The following FAM227B variants were observed in gnomAD, a reference collection of about 807,000 sequenced individuals.
FAM227B encodes family with sequence similarity 227 member B, also known as protein FAM227B.
FAM227B carries 88 observed loss-of-function variants against 73.8 expected under a neutral mutation model. The ratio of observed to expected loss-of-function variants is 1.19; its 90% CI spans 1.00 to 1.42. The LOEUF (loss-of-function observed/expected upper bound fraction) is 1.42. Ranked by LOEUF, FAM227B falls within the 40% of genes most tolerant of loss-of-function variation. FAM227B has a pLI of 0.00. For missense variants in FAM227B, 632 were observed against 590.9 expected, an observed-to-expected ratio of 1.07 and a Z score of -0.72; for synonymous variants, 210 against 190.5, an observed-to-expected ratio of 1.10 and a Z score of -0.84.
intron 10 of FAM227B, among the ~76,000 whole-genome samples, chr15:49,524,485 G>A (rs12907918): frequency 0.25 from 37,912 of 152,180 alleles, 5,694 homozygotes; most frequent in Non-Finnish European, 0.35. Flanking sequence ...TTTGCTGCAC[G>A]GGAGGGACCC....
intron 8 of FAM227B, 52 bp downstream of exon 8, chr15:49,574,959 T>C (rs2075355790): frequency 1.7e-6 from 2 of 1,188,184 alleles, no homozygotes; most frequent in East Asian, 4.9e-5. Flanking sequence ...TATTGAAAAA[T>C]TAATTATGCC....
chr15:49,570,281 C>A (rs1335944255), intron 8 of FAM227B, among the ~76,000 whole-genome samples: 1 of 151,862 alleles, frequency 6.6e-6, no homozygotes, highest in Admixed American at 6.6e-5. Flanking sequence ...CATAACCTCA[C>A]CAAAACTTGT....
chr15:49,378,017 A>G (rs1411169309), intron 11 of FAM227B, among the ~76,000 whole-genome samples: 2 of 152,072 alleles, frequency 1.3e-5, no homozygotes, highest in East Asian at 3.8e-4. Flanking sequence ...TCTTTATTTC[A>G]TTTTGATTTC....
intron 11 of FAM227B, among the ~76,000 whole-genome samples, chr15:49,455,507 A>G (rs1471674662): frequency 1.3e-5 from 2 of 152,194 alleles, no homozygotes; most frequent in Admixed American, 6.6e-5. Context: ...CGGGTGCTCA[A>G]TTGCACTACT....
chr15:49,507,993 A>G (rs1323830019), intron 11 of FAM227B, among the ~76,000 whole-genome samples: 1 of 152,192 alleles, frequency 6.6e-6, no homozygotes, highest in African/African-American at 2.4e-5. Context: ...TAGTATACAT[A>G]AAGACAAAAA....
At chr15:49,435,470 T>C (rs2051017355) in intron 11 of FAM227B, among the ~76,000 whole-genome samples, 1 of 151,658 alleles carries the variant, frequency 6.6e-6, no homozygotes, top group Admixed American at 6.6e-5. Context: ...CTCTAATTCA[T>C]GAAGTATGCT....
chr15:49,447,753 C>T (rs565583999), intron 11 of FAM227B, among the ~76,000 whole-genome samples: 7 of 151,686 alleles, frequency 4.6e-5, no homozygotes, highest in African/African-American at 1.7e-4. Context: ...TGACTTTGTC[C>T]TCATTACTGC....
At chr15:49,528,131 CAT>C (rs2060340078) in intron 10 of FAM227B, among the ~76,000 whole-genome samples, 1 of 151,890 alleles carries the variant, frequency 6.6e-6, no homozygotes, top group Non-Finnish European at 1.5e-5. Flanking sequence ...ACCCAAATAA[CAT>C]AGTGCTGGTA....
chr15:49,428,197 T>A (rs532191895), intron 11 of FAM227B, among the ~76,000 whole-genome samples: 4 of 151,946 alleles, frequency 2.6e-5, no homozygotes, highest in Non-Finnish European at 5.9e-5. Flanking sequence ...GATTGTGTAC[T>A]ACTGTTACCC....
At chr15:49,591,020 CTTTTTTTTG>C (rs1295016328) in intron 3 of FAM227B, among the ~76,000 whole-genome samples, 3 of 106,900 alleles carry the variant, frequency 2.8e-5, no homozygotes, top group African/African-American at 1.1e-4. Context: ...TTCTCTTTCT[CTTTTTTTTG>C]TTTTTTTTTT....
intron 11 of FAM227B, among the ~76,000 whole-genome samples, chr15:49,394,398 T>C (rs773983423): frequency 6.6e-6 from 1 of 152,144 alleles, no homozygotes; most frequent in Non-Finnish European, 1.5e-5. Flanking sequence ...AAAGTCACCA[T>C]CTGAGATTGA....
intron 11 of FAM227B, among the ~76,000 whole-genome samples, chr15:49,475,918 G>T (rs894241473): frequency 8.5e-5 from 13 of 152,098 alleles, no homozygotes; most frequent in African/African-American, 3.1e-4. Context: ...ATCCTGGGAG[G>T]TTCAAGACCC....
At chr15:49,343,229 CTTTT>C (rs1567109908) in intron 13 of FAM227B, among the ~76,000 whole-genome samples, 1 of 151,916 alleles carries the variant, frequency 6.6e-6, no homozygotes. Flanking sequence ...TTTCTTAATT[CTTTT>C]TTTAATTTTT....
At chr15:49,555,265 C>T (rs577162124) in intron 9 of FAM227B, among the ~76,000 whole-genome samples, 1 of 152,180 alleles carries the variant, frequency 6.6e-6, no homozygotes, top group Non-Finnish European at 1.5e-5. Context: ...AGTGAATTCC[C>T]TTAACATTTG....
intron 11 of FAM227B, among the ~76,000 whole-genome samples, chr15:49,381,582 A>G (rs2046536884): frequency 6.6e-6 from 1 of 152,244 alleles, no homozygotes; most frequent in Non-Finnish European, 1.5e-5. Flanking sequence ...AGTGATATTT[A>G]TAAGGTACTT....
At chr15:49,499,145 G>A (rs1400246315) in intron 11 of FAM227B, among the ~76,000 whole-genome samples, 4 of 110,404 alleles carry the variant, frequency 3.6e-5, no homozygotes, top group East Asian at 2.8e-4. Flanking sequence ...CAGCCTGGGC[G>A]ACAGAGCGAG....
chr15:49,584,006 A>C (rs2075988045), intron 5 of FAM227B, among the ~76,000 whole-genome samples: 1 of 152,172 alleles, frequency 6.6e-6, no homozygotes, highest in African/African-American at 2.4e-5. Context: ...TCCCTAACTC[A>C]TTCTATGAGG....
At chr15:49,542,602 T>C (rs556214231) in intron 9 of FAM227B, among the ~76,000 whole-genome samples, 1 of 152,030 alleles carries the variant, frequency 6.6e-6, no homozygotes, top group East Asian at 1.9e-4. Context: ...TGGTTTTCCA[T>C]TCTTGAGTTA....
chr15:49,379,705 A>G (rs374195985), intron 11 of FAM227B, among the ~76,000 whole-genome samples: 1 of 152,182 alleles, frequency 6.6e-6, no homozygotes, highest in Non-Finnish European at 1.5e-5. Context: ...ATTACAAGGT[A>G]GAGACTCTTT....
Sources: allele counts gnomAD v4.1 joint callset (sites outside exome capture counted in the v4.1 genomes callset), GRCh38; gene constraint gnomAD v4.1.1; transcripts MANE v1.5; gene names NCBI Gene and HGNC (gene_info 2026-07-23, HGNC 2026-07-21).